Variants in IGF1R observed in about 807,000 individuals in gnomAD.
The protein encoded by IGF1R is insulin-like growth factor 1 receptor.
Under a neutral mutation model 144.6 loss-of-function variants are expected in IGF1R, and 44 were observed. The observed-to-expected ratio is 0.30, with a 90% CI of 0.24 to 0.39. The LOEUF (loss-of-function observed/expected upper bound fraction) is 0.39. Ranked by LOEUF, IGF1R falls within the 10% of genes least tolerant of loss-of-function variation. IGF1R has a pLI of 1.00. For synonymous variants in IGF1R, 795 were observed against 722.8 expected, an observed-to-expected ratio of 1.10 and a Z score of -1.60; for missense variants, 1,355 against 1,833.7, an observed-to-expected ratio of 0.74 and a Z score of 4.77.
rs577351299 is a variant in IGF1R, at chr15:98,704,025, C to T, written c.95-3537C>T. On this transcript the variant is annotated intron_variant, in intron 1 of 20. Coordinates refer to ENST00000650285, the MANE Select transcript of IGF1R (RefSeq NM_000875.5). The surrounding 1 kb of genome is among the most constrained non-coding windows in gnomAD (Gnocchi z 4.9). ...TCATGTGACGGGTCACTTTTCGAAA[C>T]TCAGGCACACGACACACAGTTAATT... 3.3e-5 allele frequency among the ~76,000 whole-genome samples: 5 copies of T among 150,700 alleles called. No homozygotes were observed. The highest frequency in any genetic ancestry group is 5.9e-5 in the Non-Finnish European group (4 of 67,868).
chr15:98,720,566 AATT>A (rs1451226282), intron 2 of IGF1R, among the ~76,000 whole-genome samples: 2 of 152,166 alleles, frequency 1.3e-5, no homozygotes, highest in African/African-American at 4.8e-5. Context: ...AGGTGGCTGC[AATT>A]GGAAAGTTCC....
rs564068661 is a variant in IGF1R at position 98,958,802 on chromosome 15, T to A, written c.*1360T>A. On this transcript the variant is annotated 3_prime_UTR_variant, in exon 21 of 21. Transcript: ENST00000650285. ...CCCCTTTCTGCTCACTCCAAGAAAC[T>A]TCTTATGCTTTGTACTAGAGTGCGT... 3.4e-4 allele frequency: 80 copies of A among 233,324 alleles called. No homozygotes were observed. The highest frequency in any genetic ancestry group is 1.0e-3 in the Admixed American group (18 of 17,792). 14.5% of individuals were successfully genotyped at this position (233,324 alleles called of 1,614,324 possible). A position where few individuals can be genotyped will look rare whatever the true frequency, so the allele number is the denominator to read the frequency against.
At chr15:98,912,556 G>A (rs2015070116) in intron 7 of IGF1R, among the ~76,000 whole-genome samples, 1 of 152,184 alleles carries the variant, frequency 6.6e-6, no homozygotes, top group African/African-American at 2.4e-5. Flanking sequence ...TGGTTTCTAA[G>A]GCAATCTGGA....
chr15:98,773,203 C>T (rs1355006870), intron 2 of IGF1R, among the ~76,000 whole-genome samples: 5 of 152,024 alleles, frequency 3.3e-5, no homozygotes, highest in Admixed American at 6.5e-5. Flanking sequence ...CTCAGATGAC[C>T]CCCGTGCTGC....
chr15:98,777,354 A>G (rs1360781247), intron 2 of IGF1R, among the ~76,000 whole-genome samples: 4 of 152,152 alleles, frequency 2.6e-5, no homozygotes, highest in Non-Finnish European at 5.9e-5. Context: ...TGTTTGTTAA[A>G]CCTTTCAAAG....
intron 2 of IGF1R, among the ~76,000 whole-genome samples, chr15:98,712,972 G>C (rs1474903680): frequency 2.7e-5 from 4 of 150,430 alleles, no homozygotes; most frequent in Non-Finnish European, 5.9e-5. Context: ...AGTCCCTATA[G>C]GATAGGCATG....
chr15:98,765,307 CCTTTTTT>C (rs1422206296), intron 2 of IGF1R, among the ~76,000 whole-genome samples: 61 of 116,144 alleles, frequency 5.3e-4, no homozygotes, highest in African/African-American at 1.8e-3. Flanking sequence ...CATGCCAACA[CCTTTTTT>C]TTTTTTTTTT....
chr15:98,650,226 GCCCCAGGACACGTCTCCAAGCGCCCGTC>G (rs2052320781), intron 1 of IGF1R, among the ~76,000 whole-genome samples: 1 of 152,156 alleles, frequency 6.6e-6, no homozygotes, highest in Non-Finnish European at 1.5e-5. Context: ...AGGCCCCGAA[GCCCCAGGACACGTCTCCAAGCGCCCGTC>G]GCTGCCTCCC....
intron 2 of IGF1R, among the ~76,000 whole-genome samples, chr15:98,814,961 AT>A (rs1440258913): frequency 6.6e-6 from 1 of 152,148 alleles, no homozygotes; most frequent in South Asian, 2.1e-4. Context: ...ACAAAAGGAT[AT>A]TTTTTCAGAG....
At chr15:98,890,195 T>C (rs1448952517) in intron 2 of IGF1R, 1 of 152,328 alleles carries the variant, frequency 6.6e-6, no homozygotes, top group Non-Finnish European at 1.5e-5. Context: ...AACTGCATCT[T>C]GAATAGGAGC....
chr15:98,923,735 G>T (rs1055877348), intron 11 of IGF1R, 141 bp from the exon 12 acceptor site: 9 of 725,760 alleles, frequency 1.2e-5, no homozygotes, highest in South Asian at 6.1e-5. Context: ...CCGCGTGGAT[G>T]GGGGCGTTAT....
intron 2 of IGF1R, among the ~76,000 whole-genome samples, chr15:98,791,569 T>C (rs1428668038): frequency 1.3e-5 from 2 of 152,168 alleles, no homozygotes; most frequent in Non-Finnish European, 2.9e-5. Flanking sequence ...TTATACCATC[T>C]GAAAAAAAGT....
At chr15:98,649,708 G>T in intron 1 of IGF1R, 33 bp downstream of exon 1, 1 of 1,529,662 alleles carries the variant, frequency 6.5e-7, no homozygotes, top group Non-Finnish European at 9.0e-7. Context: ...CGGCCACTGC[G>T]GGAACTTTTC....
intron 15 of IGF1R, among the ~76,000 whole-genome samples, chr15:98,932,758 A>G (rs1204459182): frequency 6.6e-6 from 1 of 152,218 alleles, no homozygotes; most frequent in Non-Finnish European, 1.5e-5. Context: ...CAAGCCACCT[A>G]TGCCAGCTGG....
intron 2 of IGF1R, among the ~76,000 whole-genome samples, chr15:98,735,326 A>G (rs1270684281): frequency 1.3e-5 from 2 of 152,222 alleles, no homozygotes; most frequent in Admixed American, 6.5e-5. Context: ...GGCTTCAGGA[A>G]GTCCACTGGG....
chr15:98,874,720 C>T (rs953107612), intron 2 of IGF1R, among the ~76,000 whole-genome samples: 4 of 152,206 alleles, frequency 2.6e-5, no homozygotes, highest in Non-Finnish European at 5.9e-5. Flanking sequence ...AGACCCCTTC[C>T]ATTGGGCATT....
chr15:98,943,810 G>A (rs2016452877), intron 19 of IGF1R, among the ~76,000 whole-genome samples: 1 of 152,200 alleles, frequency 6.6e-6, no homozygotes, highest in African/African-American at 2.4e-5. Context: ...TTGTGTTACA[G>A]AAATGGTAGT....
chr15:98,956,560 G>A (rs2016993060), intron 20 of IGF1R, among the ~76,000 whole-genome samples: 1 of 152,202 alleles, frequency 6.6e-6, no homozygotes. Flanking sequence ...TGCACCAGGA[G>A]GAAGCTTAGA....
At chr15:98,761,276 G>A (rs1358461771) in intron 2 of IGF1R, among the ~76,000 whole-genome samples, 1 of 152,220 alleles carries the variant, frequency 6.6e-6, no homozygotes, top group African/African-American at 2.4e-5. Context: ...TGACAGTACT[G>A]TCACTGCATA....
Sources: gnomAD v4.1 joint callset for allele counts (sites outside exome capture counted in the v4.1 genomes callset) on GRCh38, gnomAD v4.1.1 for gene constraint, Gnocchi (gnomAD v3.1) non-coding constraint, MANE v1.5 for transcripts, NCBI Gene and HGNC (gene_info 2026-07-23, HGNC 2026-07-21) for gene names.